The following SPTBN4 variants were observed in gnomAD, a reference collection of about 807,000 sequenced individuals.
SPTBN4 encodes the protein spectrin beta chain, non-erythrocytic 4.
SPTBN4 carries 96 observed loss-of-function variants against 277.8 expected under a neutral mutation model. That is an observed-to-expected ratio of 0.35 (90% CI 0.29 to 0.41). The LOEUF (loss-of-function observed/expected upper bound fraction) is 0.41, where lower values mean the gene tolerates loss of function less well. Among genes scored for constraint, SPTBN4 ranks in the 10% least tolerant of loss-of-function variants. SPTBN4 has a pLI of 1.00. For synonymous variants in SPTBN4, 1,481 were observed against 1,580.3 expected, an observed-to-expected ratio of 0.94 and a Z score of 1.49; for missense variants, 3,006 against 3,595.7, an observed-to-expected ratio of 0.84 and a Z score of 4.19.
rs532319302 is a variant in SPTBN4, at chr19:40,490,493, C to T, written c.495+245C>T. Among the ~76,000 whole-genome samples the T allele has an allele frequency of 3.3e-5, 5 of 152,222 alleles. No individual in the cohort carries two copies. Among genetic ancestry groups the T allele is most frequent in the Non-Finnish European group, 7.4e-5 (5 of 68,014 alleles). ...CTTGACATTTAATACACACAGCAAC[C>T]CCATAAATTAGGTACTATTTAGTAC... is the stretch of plus-strand genomic sequence containing the variant. On this transcript the variant is annotated intron_variant, in intron 4 of 35. Transcript: ENST00000598249. The surrounding 1 kb of genome is among the most constrained non-coding windows in gnomAD (Gnocchi z 4.3).
At position 40,554,055 on chromosome 19, in the gene SPTBN4, C is replaced by T. The variant is rs371174701; in HGVS notation, c.4675-92C>T. 13 of 1,275,780 alleles carry T rather than the reference C, an allele frequency of 1.0e-5. No individual in the cohort carries two copies. The highest frequency in any genetic ancestry group is 3.2e-5 in the African/African-American group (2 of 62,844). 79.0% of individuals were successfully genotyped at this position (1,275,780 alleles called of 1,614,324 possible). A position where few individuals can be genotyped will look rare whatever the true frequency, so the allele number is the denominator to read the frequency against. On this transcript the variant is annotated intron_variant, in intron 22 of 35. Transcript: ENST00000598249. This position sits in a 1 kb window ranked among gnomAD's most constrained non-coding sequence, Gnocchi z 5.7. Reference sequence around the variant, plus strand: ...AGCTGGGGGTGCTTGTTAATTGCCCCGTGGGCCGTGCCAGTAGCAGAGGAG... The same window carrying T: ...AGCTGGGGGTGCTTGTTAATTGCCCTGTGGGCCGTGCCAGTAGCAGAGGAG...
intron 27 of SPTBN4, among the ~76,000 whole-genome samples, chr19:40,562,834 C>CA (rs111380293): frequency 0.015 from 2,021 of 135,460 alleles, 32 homozygotes; most frequent in East Asian, 0.051. Context: ...AATTCCATCT[C>CA]AAAAAAAAAA....
chr19:40,549,046 CG>C (rs2145922800), intron 20 of SPTBN4, 142 bp from the exon 21 acceptor site: 2 of 642,970 alleles, frequency 3.1e-6, no homozygotes, highest in Admixed American at 6.5e-5. Flanking sequence ...CGGAGCGCAT[CG>C]CTCCTGGAGG....
At position 40,502,529 on chromosome 19, in the gene SPTBN4, A is replaced by G; in HGVS notation, c.1203+22A>G. 1.9e-6 allele frequency: 3 copies of G among 1,597,386 alleles called. No homozygotes were observed. Among genetic ancestry groups the G allele is most frequent in the Middle Eastern group, 1.7e-4 (1 of 5,998 alleles). ...CAAGGTGAGGCCGGGGATGCAGGGGAGAGGCGGGGTTGCACTGTGGAGTTG... is the reference window on the plus strand; with the variant it reads ...CAAGGTGAGGCCGGGGATGCAGGGGGGAGGCGGGGTTGCACTGTGGAGTTG... On this transcript the variant is annotated intron_variant, in intron 10 of 35. Transcript: ENST00000598249. The surrounding 1 kb of genome is among the most constrained non-coding windows in gnomAD (Gnocchi z 4.9).
chr19:40,487,583 G>C, intron 2 of SPTBN4, 114 bp from the exon 3 acceptor site: 2 of 1,349,724 alleles, frequency 1.5e-6, no homozygotes, highest in Non-Finnish European at 2.0e-6. Flanking sequence ...TACCTCAGGT[G>C]ATCCGCCTGT....
chr19:40,533,472 C>T (rs577668213), intron 19 of SPTBN4, among the ~76,000 whole-genome samples: 2 of 152,284 alleles, frequency 1.3e-5, no homozygotes, highest in East Asian at 1.9e-4. Flanking sequence ...ACTTCCCCCT[C>T]CTCTGGCTGA....
rs1438319453 is a variant in SPTBN4, at chr19:40,523,583, G to T, written c.3801G>T (p.Arg1267Ser). 1.2e-6 allele frequency: 2 copies of T among 1,614,042 alleles called. No homozygotes were observed. Residue 1267 changes from arginine to serine, a missense_variant, in exon 17 of 36, where the codon AGG becomes AGT. Transcript: ENST00000598249. ...VAVQAAEGLLRQGNIYGEQAQ... is the reference protein window; with the variant it reads ...VAVQAAEGLLSQGNIYGEQAQ... ...TGCAGGCTGCAGAGGGCCTGCTGAG[G>T]CAGGGCAACATCTACGGGGAGCAGG...
In SPTBN4 at chr19:40,520,074, G is replaced by A. The variant is rs199521236; in HGVS notation, c.3577G>A (p.Glu1193Lys). The A allele has an allele frequency of 1.3e-3, 2,009 of 1,514,166 alleles. 2 individuals carry two copies. The highest frequency in any genetic ancestry group is 1.6e-3 in the Non-Finnish European group (1,788 of 1,136,174). 93.8% of individuals were successfully genotyped at this position (1,514,166 alleles called of 1,614,324 possible). A position where few individuals can be genotyped will look rare whatever the true frequency, so the allele number is the denominator to read the frequency against. The change falls in exon 16 of 36, where the codon GAG becomes AAG. Residue 1193 changes from glutamate (E) to lysine (K), a missense_variant. By Grantham distance (56) the Glu-to-Lys change is moderately conservative. Around this residue, in one of 5 missense-constraint regions of SPTBN4, gnomAD observed 1,759 missense variants for 2,061.5 expected, o/e 0.85. Transcript: ENST00000598249. Reference protein sequence around the residue: ...KLLGLWEARREALVQAHIYQL... With the variant: ...KLLGLWEARRKALVQAHIYQL... The stretch of plus-strand genomic sequence containing the variant: ...GCTCGGCTTGTGGGAGGCGCGCAGG[G>A]AGGCGCTGGTCCAGGCGCACATCTA...
chr19:40,532,538 G>T (rs2080688269), intron 18 of SPTBN4, 87 bp from the exon 19 acceptor site: 26 of 1,517,102 alleles, frequency 1.7e-5, no homozygotes, highest in Non-Finnish European at 2.3e-5. Flanking sequence ...TAGCAGCCCA[G>T]GCCCTGAACC....
At position 40,567,839 on chromosome 19, in the gene SPTBN4, G is replaced by A. The variant is rs764761160; in HGVS notation, c.6513G>A (p.Glu2171=). The A allele has an allele frequency of 7.2e-6, 11 of 1,522,938 alleles. No individual in the cohort carries two copies. In the East Asian group the frequency reaches 2.6e-4, roughly 36 times the overall value. 94.3% of individuals were successfully genotyped at this position (1,522,938 alleles called of 1,614,324 possible). The change falls in exon 31 of 36, where the codon GAG becomes GAA. Residue 2171 remains glutamate (E), a synonymous_variant. Transcript: ENST00000598249. ...GAGCCTCGGACACGCTCTCGGCCGA[G>A]GTGCGGACTCGGGTGGGGTATGTGC... The part of the protein sequence containing the change: ...ARRASDTLSA[E]VRTRVGYVRQ...
intron 17 of SPTBN4, among the ~76,000 whole-genome samples, chr19:40,525,212 G>A (rs2080576088): frequency 6.6e-6 from 1 of 152,078 alleles, no homozygotes; most frequent in Non-Finnish European, 1.5e-5. Context: ...CTGGGGCAAG[G>A]CAGCATGCTT....
At position 40,504,149 on chromosome 19, in the gene SPTBN4, G is replaced by C. The variant is rs1169563838; in HGVS notation, c.1665+17G>C. 17 of 1,080,288 alleles carry C rather than the reference G, an allele frequency of 1.6e-5. No homozygotes were observed. Among genetic ancestry groups the C allele is most frequent in the Non-Finnish European group, 2.0e-5 (15 of 735,014 alleles). 66.9% of individuals were successfully genotyped at this position (1,080,288 alleles called of 1,614,324 possible). On this transcript the variant is annotated intron_variant, in intron 12 of 35. Transcript: ENST00000598249. ...GAGATGCAGGTGCCGGCGGGGGGGCGGGGATGCGGGTGGAGTGCCAGGAGG... is the reference window on the plus strand; with the variant it reads ...GAGATGCAGGTGCCGGCGGGGGGGCCGGGATGCGGGTGGAGTGCCAGGAGG...
Position 40,534,255 on chromosome 19 carries a change from A to G in SPTBN4, c.4271A>G (p.Lys1424Arg), listed in dbSNP as rs2080710856. ...QLVQSFAELD[K>R]KLLHMESQLQ... is the part of the protein sequence containing the mutation. ...GTGCAGAGCTTTGCTGAGCTGGACA[A>G]GAAGCTCCTTCACATGGAGAGCCAG... Residue 1424 changes from lysine to arginine, a missense_variant, in exon 20 of 36, where the codon AAG becomes AGG. Lys to Arg is a conservative substitution (Grantham distance 26). Coordinates refer to ENST00000598249, the MANE Select transcript of SPTBN4 (RefSeq NM_020971.3). The G allele has an allele frequency of 6.2e-7, 1 of 1,614,082 alleles. No homozygotes were observed. The highest frequency in any genetic ancestry group is 1.3e-5 in the African/African-American group (1 of 74,944).
chr19:40,524,276 G>A (rs1160388384), intron 17 of SPTBN4, among the ~76,000 whole-genome samples: 2 of 151,826 alleles, frequency 1.3e-5, no homozygotes, highest in Non-Finnish European at 2.9e-5. Flanking sequence ...AGGCTGAGAC[G>A]GGAGGATTGC....
chr19:40,518,293 A>G (rs2080483257), intron 15 of SPTBN4, among the ~76,000 whole-genome samples: 2 of 152,120 alleles, frequency 1.3e-5, no homozygotes, highest in African/African-American at 4.8e-5. Context: ...GCAACAGAGC[A>G]AGACTCTGTC....
chr19:40,505,705 A>AGGAAGGAAGGAG (rs1334442008), intron 12 of SPTBN4, among the ~76,000 whole-genome samples: 1 of 72,614 alleles, frequency 1.4e-5, no homozygotes, highest in Non-Finnish European at 3.2e-5. Context: ...AAAGGGAGGA[A>AGGAAGGAAGGAG]GGAAGGAAGG....
In SPTBN4 at chr19:40,515,641, G is replaced by A. The variant is rs2080445595; in HGVS notation, c.2903+193G>A. Among the ~76,000 whole-genome samples the A allele has an allele frequency of 6.6e-6, 1 of 152,128 alleles. No homozygotes were observed. The highest frequency in any genetic ancestry group is 1.5e-5 in the Non-Finnish European group (1 of 68,034). ...TAAAATTAAAACAACATTTCAGTTG[G>A]CTGTTCATTTATTTGTCCAGAAAGA... On this transcript the variant is annotated intron_variant, in intron 15 of 35. Transcript: ENST00000598249. This position sits in a 1 kb window ranked among gnomAD's most constrained non-coding sequence, Gnocchi z 4.1.
chr19:40,534,484 T>C, intron 20 of SPTBN4, 141 bp downstream of exon 20: 1 of 1,140,094 alleles, frequency 8.8e-7, no homozygotes, highest in South Asian at 1.6e-5. Flanking sequence ...AGAAAGGGAA[T>C]ATTGAAGCAA....
chr19:40,546,086 G>A (rs1204552907), intron 20 of SPTBN4, among the ~76,000 whole-genome samples: 3 of 147,754 alleles, frequency 2.0e-5, no homozygotes, highest in Non-Finnish European at 4.4e-5. Flanking sequence ...TTAACCGGGC[G>A]TGGTGATGTG....
Sources: gnomAD v4.1 joint callset for allele counts (sites outside exome capture counted in the v4.1 genomes callset) on GRCh38, gnomAD v4.1.1 for gene constraint, gnomAD v4.1.1 regional missense constraint, Gnocchi (gnomAD v3.1) non-coding constraint, MANE v1.5 for transcripts, NCBI Gene and HGNC (gene_info 2026-07-23, HGNC 2026-07-21) for gene names.